The following WARS2 variants were observed in gnomAD, a reference collection of about 807,000 sequenced individuals.
The protein encoded by WARS2 is tryptophanyl tRNA synthetase 2, mitochondrial, also known as tryptophan--tRNA ligase, mitochondrial.
A neutral mutation model predicts 36.5 loss-of-function variants in WARS2; 28 were observed. That is an observed-to-expected ratio of 0.77 (90% CI 0.57 to 1.05). The LOEUF (loss-of-function observed/expected upper bound fraction) is 1.05. WARS2 is among the 50% of genes least tolerant of loss of function. The pLI, the probability that WARS2 is intolerant of heterozygous loss-of-function variation, is 0.00. For synonymous variants in WARS2, 174 were observed against 178.4 expected (o/e 0.98, Z 0.20); for missense variants, 435 against 456.8 (o/e 0.95, Z 0.44).
intron 1 of WARS2, chr1:119,085,560 T>C (rs1488494333): frequency 6.2e-7 from 1 of 1,606,226 alleles, no homozygotes; most frequent in Non-Finnish European, 8.5e-7. Context: ...GCCCTTCTCC[T>C]GGAGCTCTTT....
chr1:119,085,606 C>A, intron 1 of WARS2: 6 of 1,513,712 alleles, frequency 4.0e-6, no homozygotes. Context: ...TCCTTAGGAA[C>A]GCAATAGTTA....
rs753210309 is a variant in WARS2 at position 119,076,510 on chromosome 1, T to C, written c.188A>G (p.Gln63Arg). The stretch of plus-strand genomic sequence containing the variant: ...GTATAATACAGAGTCATATTCATCC[T>C]GTAACCTCACCCAGCTCTCAATGGC... ...LGAIESWVRL[Q>R]DEYDSVLYSI... The change falls in exon 2 of 6, where the codon CAG (glutamine) becomes CGG (arginine). Residue 63 changes from glutamine to arginine, a missense_variant. Coordinates refer to ENST00000235521, the MANE Select transcript of WARS2 (RefSeq NM_015836.4). The C allele has an allele frequency of 1.9e-6, 3 of 1,614,200 alleles. No homozygotes were observed. In the African/African-American group the frequency reaches 4.0e-5, roughly 22 times the overall value.
chr1:119,078,052 T>C (rs1455232062), intron 1 of WARS2, among the ~76,000 whole-genome samples: 1 of 152,188 alleles, frequency 6.6e-6, no homozygotes, highest in South Asian at 2.1e-4. Flanking sequence ...CTCCAGTTTA[T>C]AGATGAGAGA....
At chr1:119,044,150 G>A (rs1284979044) in intron 3 of WARS2, among the ~76,000 whole-genome samples, 1 of 152,136 alleles carries the variant, frequency 6.6e-6, no homozygotes, top group Non-Finnish European at 1.5e-5. Context: ...TATTTAATTA[G>A]TATTAATGAA....
At chr1:119,115,942 G>C (rs1411512044) in intron 1 of WARS2, among the ~76,000 whole-genome samples, 2 of 152,016 alleles carry the variant, frequency 1.3e-5, no homozygotes, top group African/African-American at 2.4e-5. Context: ...AAATGTTTAG[G>C]CAGCATTGTC....
chr1:119,080,204 C>T (rs1174466385), intron 1 of WARS2, among the ~76,000 whole-genome samples: 2 of 152,116 alleles, frequency 1.3e-5, no homozygotes, highest in South Asian at 2.1e-4. Context: ...TCCTGAAATA[C>T]TTGACCTAGG....
chr1:119,126,384 A>G (rs1557756714), intron 1 of WARS2, among the ~76,000 whole-genome samples: 1 of 152,164 alleles, frequency 6.6e-6, no homozygotes, highest in South Asian at 2.1e-4. Flanking sequence ...AAAAACTTAC[A>G]TAATACCTAC....
At chr1:119,134,353 A>AAAAAAAAAAAAAAAAAAAAAAG (rs1656341568) in intron 1 of WARS2, among the ~76,000 whole-genome samples, 1 of 151,440 alleles carries the variant, frequency 6.6e-6, no homozygotes. Context: ...AAAGACAAAA[A>AAAAAAAAAAAAAAAAAAAAAAG]CAAAAAACAG....
chr1:119,065,634 CA>C (rs55857499), intron 2 of WARS2, among the ~76,000 whole-genome samples: 35,151 of 91,174 alleles, frequency 0.39, 4,403 homozygotes, highest in African/African-American at 0.56. Context: ...GACTCTGTCT[CA>C]AAAAAAAAAA....
chr1:119,066,202 G>C (rs1274075112), intron 2 of WARS2, among the ~76,000 whole-genome samples: 2 of 152,022 alleles, frequency 1.3e-5, no homozygotes, highest in Admixed American at 1.3e-4. Context: ...ACAAGGCTGG[G>C]TGCGGTGGCT....
chr1:119,105,524 G>T (rs926447448), intron 1 of WARS2, among the ~76,000 whole-genome samples: 1 of 152,134 alleles, frequency 6.6e-6, no homozygotes, highest in Non-Finnish European at 1.5e-5. Context: ...CAGGTTGGTG[G>T]AGTGGGGAGC....
At chr1:119,065,239 AC>A (rs1184628849) in intron 2 of WARS2, among the ~76,000 whole-genome samples, 10 of 152,196 alleles carry the variant, frequency 6.6e-5, no homozygotes, top group Non-Finnish European at 1.5e-4. Context: ...ACAAAACAGA[AC>A]TTAGAAGGAA....
intron 1 of WARS2, chr1:119,082,298 C>T (rs1652254683): frequency 2.0e-6 from 2 of 985,262 alleles, no homozygotes; most frequent in Non-Finnish European, 2.4e-6. Flanking sequence ...TTTCAAATTT[C>T]AAGAGTTACA....
chr1:119,043,649 T>C (rs1648555998), intron 3 of WARS2, among the ~76,000 whole-genome samples: 1 of 152,192 alleles, frequency 6.6e-6, no homozygotes, highest in Non-Finnish European at 1.5e-5. Context: ...TTCACAATTA[T>C]CACCAGGTAA....
chr1:119,085,111 C>A, intron 1 of WARS2: 3 of 781,576 alleles, frequency 3.8e-6, no homozygotes, highest in Non-Finnish European at 7.1e-6. Context: ...TGACTACGCC[C>A]TTCAGAACGC....
At chr1:119,110,178 A>C (rs1041216019) in intron 1 of WARS2, among the ~76,000 whole-genome samples, 1 of 152,028 alleles carries the variant, frequency 6.6e-6, no homozygotes, top group Non-Finnish European at 1.5e-5. Context: ...ATTAGGAATA[A>C]GAAAGATTAA....
At chr1:119,055,545 G>A (rs1436001027) in intron 2 of WARS2, among the ~76,000 whole-genome samples, 1 of 152,138 alleles carries the variant, frequency 6.6e-6, no homozygotes, top group Non-Finnish European at 1.5e-5. Context: ...GGGAGGCTGA[G>A]GCACAAGATT....
intron 1 of WARS2, chr1:119,127,379 G>A (rs1171377323): frequency 1.6e-5 from 7 of 434,916 alleles, no homozygotes; most frequent in South Asian, 8.7e-5. Flanking sequence ...GAAAAATCAA[G>A]CGACTGCACA....
In WARS2 at chr1:119,032,994, C is replaced by T; in HGVS notation, c.1000G>A (p.Val334Ile). 2 of 1,614,218 alleles carry T rather than the reference C, an allele frequency of 1.2e-6. No individual in the cohort carries two copies. The highest frequency in any genetic ancestry group is 2.2e-5 in the East Asian group (1 of 44,890). Residue 334 changes from valine to isoleucine, a missense_variant, in exon 6 of 6, where the codon GTT becomes ATT. By Grantham distance (29) the Val-to-Ile change is conservative (BLOSUM62 3). Transcript: ENST00000235521. ...LKLDKDHLEK[V>I]LQIGSAKAKE... The stretch of plus-strand genomic sequence containing the variant: ...GCTTTTGCTGATCCAATTTGTAAAA[C>T]CTTCTCTAAATGGTCCTTGTCCAGC...
Sources: allele counts gnomAD v4.1 joint callset (sites outside exome capture counted in the v4.1 genomes callset), GRCh38; gene constraint gnomAD v4.1.1; transcripts MANE v1.5; gene names NCBI Gene and HGNC (gene_info 2026-07-23, HGNC 2026-07-21).